The following KLF8 variants were observed in gnomAD, a reference collection of about 807,000 sequenced individuals.
KLF8 encodes the protein Krueppel-like factor 8.
KLF8 carries 10 observed loss-of-function variants against 18.2 expected under a neutral mutation model. The observed-to-expected ratio is 0.55, with a 90% CI of 0.34 to 0.93. The LOEUF (loss-of-function observed/expected upper bound fraction) is 0.93. Among genes scored for constraint, KLF8 ranks in the 40% least tolerant of loss-of-function variants. The pLI, the probability that KLF8 is intolerant of heterozygous loss-of-function variation, is 0.02. For synonymous variants in KLF8, 109 were observed against 97.3 expected (o/e 1.12, Z -0.71); for missense variants, 264 against 277.9 (o/e 0.95, Z 0.36).
At chrX:56,268,927 A>C (rs760771500) in intron 3 of KLF8, 68 of 952,118 alleles carry the variant, frequency 7.1e-5, no homozygotes, top group Non-Finnish European at 8.8e-5. Flanking sequence ...ACAAAGGCCA[A>C]GGTGGATGTT....
the KLF8 span, among the ~76,000 whole-genome samples, chrX:55,909,271 C>T: frequency 4.4e-5 from 5 of 112,373 alleles, no homozygotes; most frequent in Non-Finnish European, 9.4e-5. Flanking sequence ...CTTACTCAGA[C>T]CAGCTTCCAT....
At chrX:56,057,048 A>T in the KLF8 span, among the ~76,000 whole-genome samples, 2 of 64,669 alleles carry the variant, frequency 3.1e-5, no homozygotes, top group Non-Finnish European at 9.2e-5. Flanking sequence ...GGCTTGGGGG[A>T]CTGCCTCTAT....
At chrX:56,129,763 T>C in the KLF8 span, among the ~76,000 whole-genome samples, 2 of 111,481 alleles carry the variant, frequency 1.8e-5, no homozygotes, top group Non-Finnish European at 3.8e-5. Flanking sequence ...GGCAGGCTGG[T>C]AGCCTGGGAC....
the KLF8 span, among the ~76,000 whole-genome samples, chrX:56,133,993 C>T: frequency 9.1e-6 from 1 of 110,122 alleles, no homozygotes; most frequent in East Asian, 2.8e-4. Flanking sequence ...AACTACAAAA[C>T]ACTGTTGAAA....
the KLF8 span, chrX:55,908,555 G>A: frequency 3.2e-4 from 95 of 296,126 alleles, no homozygotes; most frequent in South Asian, 0.018. Context: ...GAAGGTTTTA[G>A]AGTTCACCTC....
chrX:56,239,266 C>A (rs993196523), intron 1 of KLF8, among the ~76,000 whole-genome samples: 1 of 112,104 alleles, frequency 8.9e-6, no homozygotes, highest in African/African-American at 3.2e-5. Flanking sequence ...AAAGCATGCC[C>A]TGTCTAAAGG....
chrX:56,094,431 G>T, the KLF8 span, among the ~76,000 whole-genome samples: 5 of 110,928 alleles, frequency 4.5e-5, no homozygotes, highest in Non-Finnish European at 7.6e-5. Flanking sequence ...TAACGTGTAT[G>T]TACTTAACAA....
the KLF8 span, among the ~76,000 whole-genome samples, chrX:55,945,176 T>C: frequency 9.0e-6 from 1 of 111,449 alleles, no homozygotes; most frequent in Admixed American, 9.6e-5. Context: ...TCTGGTTTGA[T>C]TGCACTGTGG....
the KLF8 span, among the ~76,000 whole-genome samples, chrX:56,171,887 C>T: frequency 9.0e-6 from 1 of 111,368 alleles, no homozygotes; most frequent in Non-Finnish European, 1.9e-5. Context: ...GGTATATACA[C>T]AGTAATGGAA....
chrX:56,213,241 G>A, the KLF8 span, among the ~76,000 whole-genome samples: 1 of 97,346 alleles, frequency 1.0e-5, no homozygotes, highest in Non-Finnish European at 2.1e-5. Context: ...TGAGTCTCCT[G>A]TTCTCATCTT....
the KLF8 span, among the ~76,000 whole-genome samples, chrX:55,936,349 G>A: frequency 8.9e-6 from 1 of 112,533 alleles, no homozygotes; most frequent in South Asian, 3.7e-4. Flanking sequence ...TTACACTCAT[G>A]GAGGTTGTAT....
At chrX:56,157,637 C>A in the KLF8 span, among the ~76,000 whole-genome samples, 1 of 111,527 alleles carries the variant, frequency 9.0e-6, no homozygotes, top group Non-Finnish European at 1.9e-5. Flanking sequence ...TCTCTGATGG[C>A]CAGTGATGAT....
the KLF8 span, among the ~76,000 whole-genome samples, chrX:55,924,160 C>G: frequency 9.0e-6 from 1 of 111,672 alleles, no homozygotes; most frequent in Non-Finnish European, 1.9e-5. Context: ...AGCTCCGCCT[C>G]CCAGGTTCAC....
At chrX:56,028,732 G>A in the KLF8 span, among the ~76,000 whole-genome samples, 4 of 111,267 alleles carry the variant, frequency 3.6e-5, no homozygotes, top group African/African-American at 1.3e-4. Context: ...ACCTGACCCC[G>A]GGTCTTCCTA....
chrX:56,100,513 C>T, the KLF8 span, among the ~76,000 whole-genome samples: 1 of 111,790 alleles, frequency 8.9e-6, no homozygotes, highest in Non-Finnish European at 1.9e-5. Flanking sequence ...TCTGATGGAT[C>T]TTAGCAAAGT....
At chrX:56,056,943 C>T in the KLF8 span, among the ~76,000 whole-genome samples, 5 of 110,195 alleles carry the variant, frequency 4.5e-5, no homozygotes, top group African/African-American at 1.3e-4. Flanking sequence ...TTTTGTAATG[C>T]GGTTACTGAA....
chrX:56,151,387 A>C, the KLF8 span, among the ~76,000 whole-genome samples: 8 of 112,040 alleles, frequency 7.1e-5, no homozygotes, highest in African/African-American at 2.6e-4. Flanking sequence ...TATTGCAAGT[A>C]CAGACAAGAG....
chrX:55,923,988 T>G, the KLF8 span, among the ~76,000 whole-genome samples: 1 of 111,458 alleles, frequency 9.0e-6, no homozygotes, highest in Non-Finnish European at 1.9e-5. Context: ...ACTCCCTGTC[T>G]TCATTCAGAT....
At chrX:56,181,316 G>A in the KLF8 span, among the ~76,000 whole-genome samples, 2 of 110,192 alleles carry the variant, frequency 1.8e-5, no homozygotes, top group African/African-American at 6.6e-5. Context: ...CATTTTCTTG[G>A]TAGATCTTCC....
Sources: gnomAD v4.1 joint callset for allele counts (sites outside exome capture counted in the v4.1 genomes callset) on GRCh38, gnomAD v4.1.1 for gene constraint, MANE v1.5 for transcripts, NCBI Gene and HGNC (gene_info 2026-07-23, HGNC 2026-07-21) for gene names.